NASP: variants seen among roughly 807,000 people sequenced by gnomAD.
NASP encodes nuclear autoantigenic sperm protein.
NASP carries 24 observed loss-of-function variants against 89.5 expected under a neutral mutation model. The ratio of observed to expected loss-of-function variants is 0.27; its 90% CI spans 0.19 to 0.38. NASP has a LOEUF of 0.38. Ranked by LOEUF, NASP falls within the 10% of genes least tolerant of loss-of-function variation. The pLI is 1.00. For synonymous variants in NASP, 306 were observed against 324.7 expected (o/e 0.94, Z 0.62); for missense variants, 848 against 921.4 (o/e 0.92, Z 1.03).
At chr1:45,604,914 T>G in intron 3 of NASP, 22 bp from the exon 4 acceptor site, 2 of 1,530,456 alleles carry the variant, frequency 1.3e-6, no homozygotes, top group East Asian at 2.3e-5. Flanking sequence ...ATTCAGATTT[T>G]AGATGTTTAT....
chr1:45,617,069 T>C (rs1644119566), intron 13 of NASP, among the ~76,000 whole-genome samples: 1 of 152,196 alleles, frequency 6.6e-6, no homozygotes, highest in Non-Finnish European at 1.5e-5. Context: ...GGTCTTGAAC[T>C]GCTGACCTCG....
intron 9 of NASP, 177 bp from the exon 10 acceptor site, chr1:45,614,836 C>T: frequency 1.7e-6 from 1 of 602,626 alleles, no homozygotes; most frequent in East Asian, 3.0e-5. Context: ...CACGCCCAGC[C>T]TCAGTAGGTT....
At chr1:45,585,391 A>C (rs1644518863) in intron 1 of NASP, among the ~76,000 whole-genome samples, 1 of 152,108 alleles carries the variant, frequency 6.6e-6, no homozygotes, top group Non-Finnish European at 1.5e-5. Flanking sequence ...GTTTGTTTAT[A>C]GTTAGAGATT....
At chr1:45,593,625 T>A (rs1466587983) in intron 2 of NASP, among the ~76,000 whole-genome samples, 3 of 151,592 alleles carry the variant, frequency 2.0e-5, no homozygotes, top group Non-Finnish European at 2.9e-5. Flanking sequence ...AAAGAACATG[T>A]TTATGTAAAA....
At chr1:45,593,871 T>C (rs1286124189) in intron 2 of NASP, among the ~76,000 whole-genome samples, 6 of 151,714 alleles carry the variant, frequency 4.0e-5, no homozygotes, top group Non-Finnish European at 8.8e-5. Context: ...AAAAAAATTT[T>C]TTTTTTAATT....
At chr1:45,602,593 T>G (rs1643866857) in intron 3 of NASP, among the ~76,000 whole-genome samples, 1 of 152,162 alleles carries the variant, frequency 6.6e-6, no homozygotes, top group African/African-American at 2.4e-5. Flanking sequence ...CACTACTAAT[T>G]TGGGTGACCA....
At chr1:45,593,944 G>T (rs1643620515) in intron 2 of NASP, among the ~76,000 whole-genome samples, 1 of 151,582 alleles carries the variant, frequency 6.6e-6, no homozygotes, top group Admixed American at 6.6e-5. Flanking sequence ...TAGGAGGATT[G>T]CGGAAGCCCA....
intron 7 of NASP, among the ~76,000 whole-genome samples, chr1:45,613,799 T>A (rs1644057411): frequency 6.6e-6 from 1 of 152,196 alleles, no homozygotes; most frequent in Non-Finnish European, 1.5e-5. Context: ...TAGGCATGAT[T>A]ATTATAGATA....
chr1:45,584,956 G>A (rs187442828), intron 1 of NASP, among the ~76,000 whole-genome samples: 145 of 152,344 alleles, frequency 9.5e-4, no homozygotes, highest in African/African-American at 3.2e-3. Context: ...TTTAGACTTT[G>A]GAGGTGGTGT....
chr1:45,608,953 G>GC lies in NASP; in HGVS notation c.1426+624dup, dbSNP rs144317439. On this transcript the variant is annotated intron_variant, in intron 6 of 14. Transcript: ENST00000350030. Reference sequence around the variant, plus strand: ...GGCTTATTCACATTAGTTAAAACAGGCCCCCCCCACCTTCCCCAAGGCAAC... The same window carrying GC: ...GGCTTATTCACATTAGTTAAAACAGGCCCCCCCCCACCTTCCCCAAGGCAAC... 7.7e-4 allele frequency among the ~76,000 whole-genome samples: 117 copies of GC among 151,366 alleles called. 1 individual carries two copies. Among genetic ancestry groups the GC allele is most frequent in the Middle Eastern group, 6.8e-3 (2 of 294 alleles).
chr1:45,616,585 ATATAGCT>A, intron 12 of NASP, 34 bp from the exon 13 acceptor site: 1 of 1,588,976 alleles, frequency 6.3e-7, no homozygotes, highest in Non-Finnish European at 8.6e-7. Flanking sequence ...CATTGATCTC[ATATAGCT>A]TGTACAATTG....
chr1:45,599,506 C>T (rs978582050), intron 2 of NASP, among the ~76,000 whole-genome samples: 2 of 152,140 alleles, frequency 1.3e-5, no homozygotes, highest in African/African-American at 4.8e-5. Flanking sequence ...CGGCTCACTG[C>T]AACCTCTGCC....
In NASP at chr1:45,608,056, GACCGTC is replaced by G. The variant is rs1020550258; in HGVS notation, c.1147_1152del (p.Pro383_Ser384del). ...CTCCCTAAGGATGGTGCAGTCAATG[GACCGTC>G]AGTTGTAGGAGATCAGACTCCTATT... is the stretch of plus-strand genomic sequence containing the variant. On this transcript the variant is annotated inframe_deletion, in exon 6 of 15. Transcript: ENST00000350030. The G allele has an allele frequency of 6.2e-7, 1 of 1,613,898 alleles. No individual in the cohort carries two copies. Among genetic ancestry groups the G allele is most frequent in the Non-Finnish European group, 8.5e-7 (1 of 1,179,898 alleles).
chr1:45,607,576 C>G lies in NASP; in HGVS notation c.665C>G (p.Pro222Arg), dbSNP rs758161978. The change falls in exon 6 of 15, where the codon CCG becomes CGG. Residue 222 changes from proline (P) to arginine (R), a missense_variant. Coordinates refer to ENST00000350030, the MANE Select transcript of NASP (RefSeq NM_002482.4). ...AAAGGAGGAGCAGCACCAGAAGGAC[C>G]GAATGAAGCTGAGGTCACTTCTGGG... ...EAKGGAAPEG[P>R]NEAEVTSGKP... 3.1e-6 allele frequency: 5 copies of G among 1,613,742 alleles called. No homozygotes were observed. The South Asian group carries it at 5.5e-5, about 18-fold the overall frequency.
chr1:45,600,129 T>A (rs577005685), intron 2 of NASP, among the ~76,000 whole-genome samples: 10 of 152,296 alleles, frequency 6.6e-5, no homozygotes, highest in African/African-American at 2.4e-4. Flanking sequence ...TCCTTCCAAA[T>A]AATTTGGTTT....
intron 2 of NASP, among the ~76,000 whole-genome samples, chr1:45,597,599 A>G (rs774598356): frequency 8.5e-5 from 13 of 152,188 alleles, no homozygotes; most frequent in African/African-American, 2.4e-4. Flanking sequence ...AAGTCATGTT[A>G]TTAACATGTA....
At position 45,591,257 on chromosome 1, in the gene NASP, G is replaced by T; in HGVS notation, c.94G>T (p.Asp32Tyr). 6.5e-7 allele frequency: 1 copy of T among 1,545,506 alleles called. No homozygotes were observed. Among genetic ancestry groups the T allele is most frequent in the East Asian group, 2.4e-5 (1 of 41,956 alleles). The change falls in exon 2 of 15, where the codon GAT (aspartate) becomes TAT (tyrosine). Residue 32 changes from aspartate (D) to tyrosine (Y), a missense_variant. By Grantham distance (160) the Asp-to-Tyr change is radical. Coordinates refer to ENST00000350030, the MANE Select transcript of NASP (RefSeq NM_002482.4). ...TGTTCCTGCTCCTTCTACATCTGCA[G>T]ATAAAGTGGAGAGGTAAGATTATTT... ...EDVPAPSTSA[D>Y]KVESLDVDSE...
At position 45,607,423 on chromosome 1, in the gene NASP, A is replaced by T. The variant is rs757067875; in HGVS notation, c.512A>T (p.Asp171Val). 1.2e-6 allele frequency: 2 copies of T among 1,613,844 alleles called. No homozygotes were observed. The change falls in exon 6 of 15, where the codon GAT becomes GTT. Residue 171 changes from aspartate to valine, a missense_variant. Coordinates refer to ENST00000350030, the MANE Select transcript of NASP (RefSeq NM_002482.4). ...EDKSLAKPET[D>V]KEQDSEMEKG... ...AAGTCTTTGGCAAAGCCTGAAACTGATAAAGAACAGGACAGTGAAATGGAG... is the reference window on the plus strand; with the variant it reads ...AAGTCTTTGGCAAAGCCTGAAACTGTTAAAGAACAGGACAGTGAAATGGAG...
Position 45,618,184 on chromosome 1 carries a change from A to G in NASP, c.*43A>G, listed in dbSNP as rs1183348450. 1 of 1,469,370 alleles carries G rather than the reference A, an allele frequency of 6.8e-7. No individual in the cohort carries two copies. The highest frequency in any genetic ancestry group is 9.3e-7 in the Non-Finnish European group (1 of 1,076,372). 91.0% of individuals were successfully genotyped at this position (1,469,370 alleles called of 1,614,324 possible). A position where few individuals can be genotyped will look rare whatever the true frequency, so the allele number is the denominator to read the frequency against. On this transcript the variant is annotated 3_prime_UTR_variant, in exon 15 of 15. Transcript: ENST00000350030. ...CTCCCAAGGGAAAGTGTTTTTGTAT[A>G]TAATGTATTTTTTCACTTTTGGAGG...
Sources: allele counts gnomAD v4.1 joint callset (sites outside exome capture counted in the v4.1 genomes callset), GRCh38; gene constraint gnomAD v4.1.1; transcripts MANE v1.5; gene names NCBI Gene and HGNC (gene_info 2026-07-23, HGNC 2026-07-21).